CCDC91: variants seen among roughly 807,000 people sequenced by gnomAD.
The protein encoded by CCDC91 is coiled-coil domain-containing protein 91.
In CCDC91, 48 loss-of-function variants were observed where a neutral mutation model predicts 63.2. That is an observed-to-expected ratio of 0.76 (90% CI 0.60 to 0.97). The LOEUF (loss-of-function observed/expected upper bound fraction) is 0.97. Among genes scored for constraint, CCDC91 ranks in the 50% least tolerant of loss-of-function variants. The pLI, the probability that CCDC91 is intolerant of heterozygous loss-of-function variation, is 0.00. For missense variants in CCDC91, 500 were observed against 494.6 expected, an observed-to-expected ratio of 1.01 and a Z score of -0.10; for synonymous variants, 167 against 165.8, an observed-to-expected ratio of 1.01 and a Z score of -0.06.
intron 12 of CCDC91, among the ~76,000 whole-genome samples, chr12:28,522,211 T>G (rs1348168906): frequency 6.6e-6 from 1 of 152,184 alleles, no homozygotes; most frequent in Admixed American, 6.5e-5. Flanking sequence ...CTGGATTGTT[T>G]TTGGTTGGTA....
At chr12:28,240,063 A>T (rs1396763443) in intron 1 of CCDC91, among the ~76,000 whole-genome samples, 2 of 152,200 alleles carry the variant, frequency 1.3e-5, no homozygotes, top group Non-Finnish European at 2.9e-5. Context: ...ATTTGGAATC[A>T]GATTGGTATT....
chr12:28,474,977 G>T (rs1951009144), intron 11 of CCDC91, among the ~76,000 whole-genome samples: 1 of 151,944 alleles, frequency 6.6e-6, no homozygotes, highest in Non-Finnish European at 1.5e-5. Flanking sequence ...TGGTAAGGAT[G>T]GAATTCATAG....
rs140456575 is a variant in CCDC91 at position 28,350,477 on chromosome 12, C to T, written c.577-11961C>T. On this transcript the variant is annotated intron_variant, in intron 6 of 12. Coordinates refer to ENST00000536442, the MANE Select transcript of CCDC91 (RefSeq NM_018318.5). ...CTTATTGTATTAATGTACTGGTGTC[C>T]CGGGCATACACTGGACAAAGTAGAA... Among the ~76,000 whole-genome samples, 96 of 152,086 alleles carry T rather than the reference C, an allele frequency of 6.3e-4. 1 individual carries two copies. The highest frequency in any genetic ancestry group is 6.8e-3 in the Middle Eastern group (2 of 294).
At chr12:28,209,105 C>G (rs1250842172) in intron 1 of CCDC91, among the ~76,000 whole-genome samples, 1 of 152,020 alleles carries the variant, frequency 6.6e-6, no homozygotes, top group Non-Finnish European at 1.5e-5. Context: ...CATACCTGGC[C>G]CATTATCTTT....
chr12:28,244,596 C>G (rs1438973912), intron 1 of CCDC91, among the ~76,000 whole-genome samples: 1 of 129,518 alleles, frequency 7.7e-6, no homozygotes, highest in Non-Finnish European at 1.6e-5. Context: ...GACTTGCTGG[C>G]TAGGGGCTGG....
chr12:28,239,657 T>G (rs1170647461), intron 1 of CCDC91, among the ~76,000 whole-genome samples: 3 of 152,204 alleles, frequency 2.0e-5, no homozygotes, highest in African/African-American at 4.8e-5. Context: ...TTCCTCTTTT[T>G]GGACTTTACA....
chr12:28,402,215 A>G (rs1294724342), intron 8 of CCDC91, among the ~76,000 whole-genome samples: 1 of 152,164 alleles, frequency 6.6e-6, no homozygotes, highest in African/African-American at 2.4e-5. Context: ...ATAACCAGAA[A>G]TATCGCTAGA....
chr12:28,496,083 T>C (rs1356038655), intron 12 of CCDC91, among the ~76,000 whole-genome samples: 1 of 151,686 alleles, frequency 6.6e-6, no homozygotes, highest in Non-Finnish European at 1.5e-5. Context: ...TAACAGAAGC[T>C]GCTTTCATCT....
intron 5 of CCDC91, among the ~76,000 whole-genome samples, chr12:28,307,344 T>C (rs967387959): frequency 7.9e-5 from 12 of 151,980 alleles, no homozygotes; most frequent in Admixed American, 2.6e-4. Flanking sequence ...TCTTTACTTA[T>C]GCTTTCTTCC....
At chr12:28,481,770 G>T (rs1951462029) in intron 11 of CCDC91, among the ~76,000 whole-genome samples, 7 of 151,908 alleles carry the variant, frequency 4.6e-5, no homozygotes, top group Admixed American at 3.9e-4. Context: ...GGGGAGGATA[G>T]AATCAAGTGA....
rs865931147 is a variant in CCDC91, at chr12:28,482,596, G to C, written c.1102-1456G>C. ...ACTTGGTAATCTTTTAAGAGTACAGGGTAAAATGAGATGTCATTCTCCCCA... is the reference window on the plus strand; with the variant it reads ...ACTTGGTAATCTTTTAAGAGTACAGCGTAAAATGAGATGTCATTCTCCCCA... On this transcript the variant is annotated intron_variant, in intron 11 of 12. Coordinates refer to ENST00000536442, the MANE Select transcript of CCDC91 (RefSeq NM_018318.5). Among the ~76,000 whole-genome samples, 12 of 151,818 alleles carry C rather than the reference G, an allele frequency of 7.9e-5. No individual in the cohort carries two copies. The Middle Eastern group carries it at 0.017, about 217-fold the overall frequency.
intron 3 of CCDC91, among the ~76,000 whole-genome samples, chr12:28,284,979 T>C (rs1307576610): frequency 2.0e-5 from 3 of 152,226 alleles, no homozygotes. Context: ...AGGAATATTC[T>C]CTAAACGGAA....
chr12:28,427,021 TA>T (rs1948357643), intron 8 of CCDC91, among the ~76,000 whole-genome samples: 1 of 152,182 alleles, frequency 6.6e-6, no homozygotes, highest in Non-Finnish European at 1.5e-5. Flanking sequence ...TTGTCTCCCC[TA>T]TTGTCTTTGG....
At chr12:28,302,544 A>T in intron 3 of CCDC91, 2 of 632,582 alleles carry the variant, frequency 3.2e-6, no homozygotes, top group Non-Finnish European at 3.9e-6. Flanking sequence ...TTAAATTTGA[A>T]TCCATTTCTT....
intron 12 of CCDC91, among the ~76,000 whole-genome samples, 169 bp from the exon 13 acceptor site, chr12:28,548,894 A>G (rs1284239996): frequency 2.6e-5 from 4 of 152,220 alleles, no homozygotes; most frequent in Non-Finnish European, 4.4e-5. Context: ...TAGATGATTT[A>G]GGCCAGAAAG....
chr12:28,514,328 G>A (rs1419244632), intron 12 of CCDC91, among the ~76,000 whole-genome samples: 2 of 151,098 alleles, frequency 1.3e-5, no homozygotes, highest in Middle Eastern at 3.4e-3. Flanking sequence ...TTGTAAATTT[G>A]TTTAAATTTC....
intron 8 of CCDC91, among the ~76,000 whole-genome samples, chr12:28,433,542 C>G (rs892862489): frequency 6.6e-6 from 1 of 151,902 alleles, no homozygotes; most frequent in African/African-American, 2.4e-5. Flanking sequence ...TCTATTTTCT[C>G]TCTGTTCTGT....
At chr12:28,332,308 C>G (rs1167868228) in intron 6 of CCDC91, among the ~76,000 whole-genome samples, 3 of 152,108 alleles carry the variant, frequency 2.0e-5, no homozygotes, top group African/African-American at 4.8e-5. Context: ...CATTTAACAT[C>G]TCTTAAGCGA....
intron 1 of CCDC91, among the ~76,000 whole-genome samples, chr12:28,213,753 C>T (rs148726626): frequency 5.8e-4 from 88 of 152,278 alleles, no homozygotes; most frequent in African/African-American, 1.9e-3. Context: ...CACCTCACAG[C>T]AAAAGAAATG....
Sources: allele counts gnomAD v4.1 joint callset (sites outside exome capture counted in the v4.1 genomes callset), GRCh38; gene constraint gnomAD v4.1.1; transcripts MANE v1.5; gene names NCBI Gene and HGNC (gene_info 2026-07-23, HGNC 2026-07-21).